ZBTB26: variants seen among roughly 807,000 people sequenced by gnomAD.
ZBTB26 encodes zinc finger and BTB domain-containing protein 26.
In ZBTB26, 12 loss-of-function variants were observed where a neutral mutation model predicts 31.6. That is an observed-to-expected ratio of 0.38 (90% CI 0.24 to 0.61). The LOEUF is 0.61. Among genes scored for constraint, ZBTB26 ranks in the 20% least tolerant of loss-of-function variants. ZBTB26 has a pLI of 0.60. For missense variants in ZBTB26, 311 were observed against 521.9 expected, an observed-to-expected ratio of 0.60 and a Z score of 3.94; for synonymous variants, 155 against 182.9, an observed-to-expected ratio of 0.85 and a Z score of 1.23.
At chr9:122,925,512 G>T (rs1486868364) in intron 1 of ZBTB26, among the ~76,000 whole-genome samples, 1 of 152,198 alleles carries the variant, frequency 6.6e-6, no homozygotes, top group Non-Finnish European at 1.5e-5. Flanking sequence ...AACGGAGGTT[G>T]AAAGTGTTAA....
At chr9:122,931,320 G>A (rs1471912153) in intron 1 of ZBTB26, 117 bp downstream of exon 1, 1 of 152,154 alleles carries the variant, frequency 6.6e-6, no homozygotes, top group East Asian at 2.0e-4. Flanking sequence ...CAGGGGCCTA[G>A]GCCAGCCTCT....
intron 1 of ZBTB26, among the ~76,000 whole-genome samples, chr9:122,924,716 C>G (rs1336864047): frequency 6.7e-6 from 1 of 150,348 alleles, no homozygotes; most frequent in Non-Finnish European, 1.5e-5. Flanking sequence ...TGCCTTGGCA[C>G]CAAGGCTCAA....
intron 1 of ZBTB26, among the ~76,000 whole-genome samples, chr9:122,921,117 C>A (rs760901167): frequency 1.3e-5 from 2 of 152,212 alleles, no homozygotes; most frequent in African/African-American, 2.4e-5. Context: ...TTTCCCCAAA[C>A]TGTCTGCATA....
At chr9:122,923,559 A>T (rs1373216403) in intron 1 of ZBTB26, among the ~76,000 whole-genome samples, 1 of 152,220 alleles carries the variant, frequency 6.6e-6, no homozygotes. Flanking sequence ...GAATGTTCCA[A>T]TTTGTAACCA....
chr9:122,918,317 AAC>A lies in ZBTB26; in HGVS notation c.*290_*291del, dbSNP rs1323222898. The A allele has an allele frequency of 2.9e-6, 1 of 345,418 alleles. No homozygotes were observed. The highest frequency in any genetic ancestry group is 5.3e-6 in the Non-Finnish European group (1 of 189,620). 21.4% of individuals were successfully genotyped at this position (345,418 alleles called of 1,614,324 possible). On this transcript the variant is annotated 3_prime_UTR_variant, in exon 2 of 2. Transcript: ENST00000373656. ...GGAATGTGCCTAGTGAAAAGCCTAA[AAC>A]AGTGTCAGTCTAAGACATAAGTCAA...
At chr9:122,925,948 C>T (rs1448068849) in intron 1 of ZBTB26, among the ~76,000 whole-genome samples, 4 of 151,806 alleles carry the variant, frequency 2.6e-5, no homozygotes, top group African/African-American at 7.3e-5. Context: ...TTAGTAGAGA[C>T]GGGGTTTCTT....
chr9:122,929,545 T>C (rs1833234375), intron 1 of ZBTB26, among the ~76,000 whole-genome samples: 1 of 152,204 alleles, frequency 6.6e-6, no homozygotes, highest in Admixed American at 6.5e-5. Context: ...TTCCCATCTA[T>C]CAATAGTAAT....
intron 1 of ZBTB26, among the ~76,000 whole-genome samples, chr9:122,930,616 T>A (rs920523442): frequency 6.6e-6 from 1 of 152,184 alleles, no homozygotes; most frequent in African/African-American, 2.4e-5. Flanking sequence ...AAACTACCCA[T>A]CTCCTTTAGG....
At chr9:122,927,181 G>A (rs1043523109) in intron 1 of ZBTB26, among the ~76,000 whole-genome samples, 8 of 152,136 alleles carry the variant, frequency 5.3e-5, no homozygotes, top group Non-Finnish European at 1.2e-4. Flanking sequence ...GTTTCTATTA[G>A]CAAGTTTTGA....
At position 122,918,534 on chromosome 9, in the gene ZBTB26, C is replaced by A; in HGVS notation, c.*75G>T. 1 of 1,535,576 alleles carries A rather than the reference C, an allele frequency of 6.5e-7. No homozygotes were observed. Among genetic ancestry groups the A allele is most frequent in the East Asian group, 2.3e-5 (1 of 44,436 alleles). On this transcript the variant is annotated 3_prime_UTR_variant, in exon 2 of 2. Transcript: ENST00000373656. ...AGAGGCTTTGGAGAAGTCAAACTAG[C>A]AAAATCACTCCTAAAAAGACTAAGA...
rs1833069966 is a variant in ZBTB26 at position 122,919,842 on chromosome 9, T to C, written c.93A>G (p.Lys31=). ...CTATGAGAACTGTAACATCACAAAATTTATTCTCTTCTCTTAATTTGTTCA... is the reference window on the plus strand; with the variant it reads ...CTATGAGAACTGTAACATCACAAAACTTATTCTCTTCTCTTAATTTGTTCA... ...QKMNKLREEN[K]FCDVTVLIDD... Residue 31 remains lysine, a synonymous_variant, in exon 2 of 2, where the codon AAA becomes AAG. Transcript: ENST00000373656. This position sits in a 1 kb window ranked among gnomAD's most constrained non-coding sequence, Gnocchi z 6.1. 1.9e-6 allele frequency: 3 copies of C among 1,613,572 alleles called. No individual in the cohort carries two copies. The highest frequency in any genetic ancestry group is 3.3e-5 in the Admixed American group (2 of 59,970).
At position 122,919,839 on chromosome 9, in the gene ZBTB26, A is replaced by G. The variant is rs956350814; in HGVS notation, c.96T>C (p.Phe32=). The change falls in exon 2 of 2, where the codon TTT becomes TTC. Residue 32 remains phenylalanine, a synonymous_variant. Transcript: ENST00000373656. The surrounding 1 kb of genome is among the most constrained non-coding windows in gnomAD (Gnocchi z 6.1). ...CATCTATGAGAACTGTAACATCACA[A>G]AATTTATTCTCTTCTCTTAATTTGT... ...KMNKLREENK[F]CDVTVLIDDI... is the part of the protein sequence containing the mutation. 3 of 1,613,616 alleles carry G rather than the reference A, an allele frequency of 1.9e-6. No homozygotes were observed. The highest frequency in any genetic ancestry group is 1.7e-6 in the Non-Finnish European group (2 of 1,179,870).
At chr9:122,928,208 A>G (rs1382685490) in intron 1 of ZBTB26, among the ~76,000 whole-genome samples, 1 of 152,244 alleles carries the variant, frequency 6.6e-6, no homozygotes, top group East Asian at 1.9e-4. Context: ...TTTCTTATAC[A>G]TAAACTATAC....
rs1166969477 is a variant in ZBTB26, at chr9:122,919,644, C to T, written c.291G>A (p.Glu97=). The change falls in exon 2 of 2, where the codon GAG becomes GAA. Residue 97 remains glutamate, a synonymous_variant. Coordinates refer to ENST00000373656, the MANE Select transcript of ZBTB26 (RefSeq NM_020924.4). This position sits in a 1 kb window ranked among gnomAD's most constrained non-coding sequence, Gnocchi z 6.1. ...CAGTCAAGTAATTTACCAGTTCCAT[C>T]TCAGGGAATTCCAGCACACCACTAT... ...SCYSGVLEFP[E]MELVNYLTAA... 1.2e-6 allele frequency: 2 copies of T among 1,614,202 alleles called. No homozygotes were observed. The highest frequency in any genetic ancestry group is 8.5e-7 in the Non-Finnish European group (1 of 1,180,036).
intron 1 of ZBTB26, among the ~76,000 whole-genome samples, chr9:122,924,170 T>C (rs186793711): frequency 2.0e-5 from 3 of 152,304 alleles, no homozygotes; most frequent in East Asian, 3.9e-4. Context: ...CTCAAGAAAA[T>C]TATCAACAAC....
At position 122,918,455 on chromosome 9, in the gene ZBTB26, A is replaced by G. The variant is rs1437705314; in HGVS notation, c.*154T>C. 2.6e-6 allele frequency: 3 copies of G among 1,136,144 alleles called. No homozygotes were observed. The highest frequency in any genetic ancestry group is 2.4e-6 in the Non-Finnish European group (2 of 819,522). 70.4% of individuals were successfully genotyped at this position (1,136,144 alleles called of 1,614,324 possible). A position where few individuals can be genotyped will look rare whatever the true frequency, so the allele number is the denominator to read the frequency against. On this transcript the variant is annotated 3_prime_UTR_variant, in exon 2 of 2. Coordinates refer to ENST00000373656, the MANE Select transcript of ZBTB26 (RefSeq NM_020924.4). The stretch of plus-strand genomic sequence containing the variant: ...GCAAAAGTAAGGCAAATCCACTCCA[A>G]GTGGTAAGTTGCCTGGTCTATTAGT...
At chr9:122,922,929 A>T (rs1257775730) in intron 1 of ZBTB26, among the ~76,000 whole-genome samples, 1 of 152,146 alleles carries the variant, frequency 6.6e-6, no homozygotes, top group African/African-American at 2.4e-5. Flanking sequence ...AGTGGCTCAC[A>T]CCTGTGAGCA....
At chr9:122,925,625 T>C (rs117993639) in intron 1 of ZBTB26, among the ~76,000 whole-genome samples, 1,676 of 152,198 alleles carry the variant, frequency 0.011, 12 homozygotes, top group South Asian at 0.021. Context: ...TGAGATGTAG[T>C]TTCACTCTTG....
intron 1 of ZBTB26, among the ~76,000 whole-genome samples, chr9:122,923,686 C>T (rs534316502): frequency 6.6e-6 from 1 of 152,260 alleles, no homozygotes; most frequent in East Asian, 1.9e-4. Flanking sequence ...TCCTCACACC[C>T]CAAAATAAGC....
Sources: allele counts gnomAD v4.1 joint callset (sites outside exome capture counted in the v4.1 genomes callset), GRCh38; gene constraint gnomAD v4.1.1; non-coding constraint Gnocchi (gnomAD v3.1); transcripts MANE v1.5; gene names NCBI Gene and HGNC (gene_info 2026-07-23, HGNC 2026-07-21).